RBPMS2: variants seen among roughly 807,000 people sequenced by gnomAD.
The protein encoded by RBPMS2 is RNA-binding protein with multiple splicing 2.
A neutral mutation model predicts 25.7 loss-of-function variants in RBPMS2; 14 were observed. The ratio of observed to expected loss-of-function variants is 0.55; its 90% CI spans 0.36 to 0.85. The LOEUF is 0.85. RBPMS2 is among the 40% of genes least tolerant of loss of function. The pLI is 0.01. For synonymous variants in RBPMS2, 127 were observed against 115.6 expected (o/e 1.10, Z -0.63); for missense variants, 252 against 283.4 (o/e 0.89, Z 0.80).
intron 1 of RBPMS2, among the ~76,000 whole-genome samples, chr15:64,753,940 G>T (rs1034587499): frequency 6.6e-6 from 1 of 152,132 alleles, no homozygotes; most frequent in Non-Finnish European, 1.5e-5. Context: ...TGAGGTGTGC[G>T]TGTGAATCCC....
intron 1 of RBPMS2, among the ~76,000 whole-genome samples, chr15:64,759,739 C>G (rs890215291): frequency 2.0e-5 from 3 of 152,144 alleles, no homozygotes; most frequent in Non-Finnish European, 2.9e-5. Flanking sequence ...GTGGCACCAT[C>G]TCAGCTCACT....
At chr15:64,748,069 C>A (rs1044656607) in intron 6 of RBPMS2, among the ~76,000 whole-genome samples, 1 of 152,068 alleles carries the variant, frequency 6.6e-6, no homozygotes, top group South Asian at 2.1e-4. Context: ...GGGGCAGAGG[C>A]AGATGGTCTG....
intron 1 of RBPMS2, among the ~76,000 whole-genome samples, chr15:64,773,674 C>T (rs190269171): frequency 7.2e-5 from 11 of 152,198 alleles, no homozygotes; most frequent in African/African-American, 2.4e-4. Flanking sequence ...GTGTGAAGTC[C>T]CCACTGAAGT....
At chr15:64,747,931 T>A (rs986750375) in intron 6 of RBPMS2, among the ~76,000 whole-genome samples, 1 of 152,176 alleles carries the variant, frequency 6.6e-6, no homozygotes, top group African/African-American at 2.4e-5. Context: ...CAGTAGTCAC[T>A]TCGTCTTGAC....
intron 6 of RBPMS2, among the ~76,000 whole-genome samples, chr15:64,742,118 T>C (rs893557551): frequency 6.6e-6 from 1 of 152,020 alleles, no homozygotes; most frequent in Non-Finnish European, 1.5e-5. Flanking sequence ...TGAGTTGAGA[T>C]CGCGCCATTG....
At chr15:64,774,134 G>A (rs978286920) in intron 1 of RBPMS2, among the ~76,000 whole-genome samples, 1 of 152,224 alleles carries the variant, frequency 6.6e-6, no homozygotes, top group Non-Finnish European at 1.5e-5. Flanking sequence ...CCAACCCCCA[G>A]CACAAGGGGA....
At chr15:64,756,806 CTTT>C (rs11324603) in intron 1 of RBPMS2, among the ~76,000 whole-genome samples, 1 of 5,200 alleles carries the variant, frequency 1.9e-4, no homozygotes, top group Non-Finnish European at 2.4e-3. Flanking sequence ...ACGCCCAGCT[CTTT>C]TTTTTTTTTT....
At position 64,755,213 on chromosome 15, in the gene RBPMS2, T is replaced by C. The variant is rs573061748; in HGVS notation, c.88-3575A>G. Among the ~76,000 whole-genome samples the C allele has an allele frequency of 9.8e-4, 149 of 152,242 alleles. 1 individual carries two copies. The Middle Eastern group carries it at 0.027, about 28-fold the overall frequency. ...CAGCCAGGATTCCCTCTGGGTCCGA[T>C]GACCCTTTTCCTCAGGGTTCCATCT... On this transcript the variant is annotated intron_variant, in intron 1 of 7. Transcript: ENST00000300069.
chr15:64,769,043 G>C, intron 1 of RBPMS2, among the ~76,000 whole-genome samples: 1 of 139,610 alleles, frequency 7.2e-6, no homozygotes, highest in East Asian at 2.1e-4. Flanking sequence ...GGAGCTTGCA[G>C]TGAGCAGAGA....
chr15:64,772,916 G>A (rs1359443015), intron 1 of RBPMS2, among the ~76,000 whole-genome samples: 1 of 152,050 alleles, frequency 6.6e-6, no homozygotes, highest in Non-Finnish European at 1.5e-5. Context: ...AAGCCTATAG[G>A]TAAGGTAGTC....
chr15:64,741,066 C>T (rs1185828765), intron 7 of RBPMS2, 66 bp from the exon 8 acceptor site: 10 of 822,836 alleles, frequency 1.2e-5, no homozygotes, highest in Non-Finnish European at 2.0e-5. Flanking sequence ...CAGGCCTGCT[C>T]TGGGCTCGGC....
chr15:64,746,117 G>A lies in RBPMS2; in HGVS notation c.567+2302C>T, dbSNP rs1395459153. ...GAAGGAAAAAAATAAAATGTTCTTA[G>A]TCGGGAAACAGTAAAACAACCTGTT... On this transcript the variant is annotated intron_variant, in intron 6 of 7. Transcript: ENST00000300069. Among the ~76,000 whole-genome samples, 7 of 152,182 alleles carry A rather than the reference G, an allele frequency of 4.6e-5. 1 individual carries two copies. The highest frequency in any genetic ancestry group is 2.6e-4 in the Admixed American group (4 of 15,274).
intron 6 of RBPMS2, 55 bp downstream of exon 6, chr15:64,748,364 G>C: frequency 1.9e-6 from 3 of 1,578,470 alleles, no homozygotes; most frequent in Non-Finnish European, 1.7e-6. Flanking sequence ...CACATGCAAA[G>C]TCTGGCCAGC....
chr15:64,766,105 G>A (rs1485753987), intron 1 of RBPMS2, among the ~76,000 whole-genome samples: 4 of 152,176 alleles, frequency 2.6e-5, no homozygotes, highest in Admixed American at 6.5e-5. Flanking sequence ...AAAGAAGGGC[G>A]AAGTACTCCA....
In RBPMS2 at chr15:64,752,945, G is replaced by A. The variant is rs558234145; in HGVS notation, c.88-1307C>T. 1.2e-4 allele frequency among the ~76,000 whole-genome samples: 19 copies of A among 152,162 alleles called. No homozygotes were observed. The East Asian group carries it at 2.7e-3, about 22-fold the overall frequency. ...GAATTTTGAGCATTGCCCCCAACAT[G>A]GTTACAAGCCAGATCTAAACACTAG... On this transcript the variant is annotated intron_variant, in intron 1 of 7. Transcript: ENST00000300069.
At position 64,740,939 on chromosome 15, in the gene RBPMS2, A is replaced by C; in HGVS notation, c.*69T>G. 1 of 454,294 alleles carries C rather than the reference A, an allele frequency of 2.2e-6. No individual in the cohort carries two copies. The highest frequency in any genetic ancestry group is 4.0e-6 in the Non-Finnish European group (1 of 248,116). 28.1% of individuals were successfully genotyped at this position (454,294 alleles called of 1,614,324 possible). On this transcript the variant is annotated 3_prime_UTR_variant, in exon 8 of 8. Transcript: ENST00000300069. ...TGCAGGCCGCCCGGGGGCAGTGGGA[A>C]CTCGGGGCGCCTGTCCCGGCACCAC...
intron 1 of RBPMS2, among the ~76,000 whole-genome samples, chr15:64,767,974 CCTT>C (rs1165130110): frequency 3.3e-5 from 5 of 152,156 alleles, no homozygotes; most frequent in Non-Finnish European, 5.9e-5. Context: ...TGGCTGGCCT[CCTT>C]GAGTGGGATT....
At chr15:64,757,343 C>T (rs1283350340) in intron 1 of RBPMS2, among the ~76,000 whole-genome samples, 1 of 152,126 alleles carries the variant, frequency 6.6e-6, no homozygotes, top group Non-Finnish European at 1.5e-5. Context: ...CTCCCCATTA[C>T]TTGTGAGAGC....
intron 6 of RBPMS2, among the ~76,000 whole-genome samples, chr15:64,744,798 G>GTTGTTTTTTTTTTTTTTTTTT (rs2083601378): frequency 1.9e-4 from 9 of 46,286 alleles, no homozygotes; most frequent in African/African-American, 6.6e-4. Context: ...GGTTTGTTTT[G>GTTGTTTTTTTTTTTTTTTTTT]TTTTTTTTTT....
Sources: gnomAD v4.1 joint callset for allele counts (sites outside exome capture counted in the v4.1 genomes callset) on GRCh38, gnomAD v4.1.1 for gene constraint, MANE v1.5 for transcripts, NCBI Gene and HGNC (gene_info 2026-07-23, HGNC 2026-07-21) for gene names.